Variants in DGKE observed in about 807,000 individuals in gnomAD.
DGKE encodes the protein DAG kinase epsilon.
A neutral mutation model predicts 70.0 loss-of-function variants in DGKE; 53 were observed. That is an observed-to-expected ratio of 0.76 (90% CI 0.61 to 0.95). DGKE has a LOEUF of 0.95. DGKE is among the 40% of genes least tolerant of loss of function. DGKE has a pLI of 0.00. For synonymous variants in DGKE, 291 were observed against 257.0 expected (o/e 1.13, Z -1.27); for missense variants, 655 against 706.9 (o/e 0.93, Z 0.83).
Position 56,848,037 on chromosome 17 carries a change from TG to T in DGKE, c.862del (p.Asp288MetfsTer6). 1 of 1,579,244 alleles carries T rather than the reference TG, an allele frequency of 6.3e-7. No homozygotes were observed. Among genetic ancestry groups the T allele is most frequent in the South Asian group, 1.2e-5 (1 of 83,640 alleles). On this transcript the variant is annotated frameshift_variant, in exon 5 of 12. Transcript: ENST00000284061. LOFTEE classifies it high-confidence loss of function. ...GGGGATGGGACTGTAGGGTGGGTCC[TG>T]GATGCAGTTGATGACATGAAGATTA... Reference protein sequence around the residue: ...CGGDGTVGWVLDAVDDMKIKG... With the variant: ...CGGDGTVGWVXDAVDDMKIKG...
intron 2 of DGKE, among the ~76,000 whole-genome samples, chr17:56,836,813 G>A (rs1239028210): frequency 1.3e-5 from 2 of 152,170 alleles, no homozygotes; most frequent in South Asian, 4.1e-4. Context: ...TTATGCACCA[G>A]CAACACTAAG....
chr17:56,853,651 T>C (rs1268199679), intron 7 of DGKE, among the ~76,000 whole-genome samples: 7 of 152,214 alleles, frequency 4.6e-5, no homozygotes, highest in Non-Finnish European at 1.0e-4. Context: ...CCTATTTCAT[T>C]GGTGAGTAAT....
intron 7 of DGKE, among the ~76,000 whole-genome samples, chr17:56,849,824 A>T (rs921061865): frequency 1.2e-4 from 19 of 152,374 alleles, no homozygotes; most frequent in Non-Finnish European, 1.8e-4. Context: ...TGAGATAGAT[A>T]TTGGGCATAT....
Position 56,834,981 on chromosome 17 carries a change from G to A in DGKE, c.186G>A (p.Trp62Ter). ...RDIFRKSKHG[W>*]RDTDLFSQPT... is the part of the protein sequence containing the mutation. ...TCTTCCGCAAGAGCAAGCACGGGTG[G>A]CGCGACACGGACCTGTTCAGCCAGC... Residue 62 changes from tryptophan (W) to a stop codon, truncating the protein, a stop_gained, in exon 2 of 12, where the codon TGG (tryptophan) becomes TGA (stop). Coordinates refer to ENST00000284061, the MANE Select transcript of DGKE (RefSeq NM_003647.3). LOFTEE classifies it high-confidence loss of function. 1 of 1,612,660 alleles carries A rather than the reference G, an allele frequency of 6.2e-7. No individual in the cohort carries two copies. The highest frequency in any genetic ancestry group is 2.2e-5 in the East Asian group (1 of 44,858).
chr17:56,856,932 C>T (rs751763683), intron 8 of DGKE, among the ~76,000 whole-genome samples: 1 of 152,086 alleles, frequency 6.6e-6, no homozygotes, highest in Non-Finnish European at 1.5e-5. Context: ...AACCCTGTCT[C>T]TACTAAAAAT....
chr17:56,836,231 C>A (rs918010976), intron 2 of DGKE: 6 of 151,920 alleles, frequency 3.9e-5, no homozygotes, highest in Non-Finnish European at 7.4e-5. Flanking sequence ...TGCAGAAATT[C>A]TTTCATTAGC....
rs1288510380 is a variant in DGKE, at chr17:56,834,215, G to A, written c.-64G>A. ...CAGCGTCGTTCTCCTCCTGCGCGAG[G>A]CGGCCAAGGCCTGCTGGCCCGGAGC... On this transcript the variant is annotated 5_prime_UTR_variant, in exon 1 of 12. Transcript: ENST00000284061. 6.6e-6 allele frequency: 1 copy of A among 152,480 alleles called. No individual in the cohort carries two copies. The highest frequency in any genetic ancestry group is 1.5e-5 in the Non-Finnish European group (1 of 68,262). 9.4% of individuals were successfully genotyped at this position (152,480 alleles called of 1,614,324 possible).
chr17:56,862,441 C>T (rs1908352847), intron 11 of DGKE, 171 bp from the exon 12 acceptor site: 6 of 862,210 alleles, frequency 7.0e-6, no homozygotes, highest in Admixed American at 3.1e-5. Context: ...TGAGATAAAA[C>T]GTTCACTTGA....
At chr17:56,846,100 A>G (rs893016515) in intron 4 of DGKE, 1 of 193,486 alleles carries the variant, frequency 5.2e-6, no homozygotes, top group African/African-American at 2.3e-5. Flanking sequence ...CATATTTCTC[A>G]CAAACATTTG....
chr17:56,848,029 G>C lies in DGKE; in HGVS notation c.852G>C (p.Gly284=). The stretch of plus-strand genomic sequence containing the variant: ...TTTGTGGAGGGGATGGGACTGTAGG[G>C]TGGGTCCTGGATGCAGTTGATGACA... ...VLVCGGDGTV[G]WVLDAVDDMK... The change falls in exon 5 of 12, where the codon GGG becomes GGC. Residue 284 remains glycine (G), a synonymous_variant. Coordinates refer to ENST00000284061, the MANE Select transcript of DGKE (RefSeq NM_003647.3). The C allele has an allele frequency of 6.3e-7, 1 of 1,597,610 alleles. No homozygotes were observed. Among genetic ancestry groups the C allele is most frequent in the Non-Finnish European group, 8.5e-7 (1 of 1,171,678 alleles).
intron 11 of DGKE, 135 bp downstream of exon 11, chr17:56,862,386 G>C (rs1305750131): frequency 5.4e-6 from 5 of 918,086 alleles, no homozygotes; most frequent in South Asian, 5.2e-5. Flanking sequence ...TACACTAGCG[G>C]CTAGAGTGGG....
Position 56,835,198 on chromosome 17 carries a change from T to A in DGKE, c.403T>A (p.Cys135Ser), listed in dbSNP as rs757444386. The change falls in exon 2 of 12, where the codon TGC (cysteine) becomes AGC (serine). Residue 135 changes from cysteine to serine, a missense_variant. Coordinates refer to ENST00000284061, the MANE Select transcript of DGKE (RefSeq NM_003647.3). Reference sequence around the variant, plus strand: ...CTGGATCCGGGGCAACGTGCCCCTGTGCAGTTACTGTATGGTTTGCAAGCA... The same window carrying A: ...CTGGATCCGGGGCAACGTGCCCCTGAGCAGTTACTGTATGGTTTGCAAGCA... ...HHWIRGNVPL[C>S]SYCMVCKQQC... 2.5e-6 allele frequency: 4 copies of A among 1,613,910 alleles called. No individual in the cohort carries two copies. Among genetic ancestry groups the A allele is most frequent in the African/African-American group, 2.7e-5 (2 of 74,926 alleles).
intron 4 of DGKE, 123 bp downstream of exon 4, chr17:56,845,932 G>A (rs1907259143): frequency 1.8e-6 from 2 of 1,100,030 alleles, no homozygotes; most frequent in East Asian, 3.0e-5. Context: ...AAAAAGATCA[G>A]CCATTTAAAT....
chr17:56,840,368 G>A (rs1906898442), intron 2 of DGKE, among the ~76,000 whole-genome samples: 1 of 147,194 alleles, frequency 6.8e-6, no homozygotes, highest in African/African-American at 2.5e-5. Context: ...AGTTTGTTTT[G>A]TTGTTGTTGT....
chr17:56,857,028 G>A (rs967250779), intron 8 of DGKE, among the ~76,000 whole-genome samples: 16 of 151,916 alleles, frequency 1.1e-4, no homozygotes, highest in South Asian at 4.2e-4. Flanking sequence ...AAACCAGGAG[G>A]CAAAAGTTGC....
intron 8 of DGKE, 111 bp downstream of exon 8, chr17:56,856,736 A>G: frequency 7.6e-7 from 1 of 1,312,544 alleles, no homozygotes. Flanking sequence ...TTACAGAAAT[A>G]TTTACCTGCT....
At position 56,835,202 on chromosome 17, in the gene DGKE, G is replaced by C; in HGVS notation, c.407G>C (p.Ser136Thr). 6.2e-7 allele frequency: 1 copy of C among 1,613,948 alleles called. No homozygotes were observed. Among genetic ancestry groups the C allele is most frequent in the East Asian group, 2.2e-5 (1 of 44,882 alleles). Residue 136 changes from serine (S) to threonine (T), a missense_variant, in exon 2 of 12, where the codon AGT becomes ACT. Transcript: ENST00000284061. Reference sequence around the variant, plus strand: ...ATCCGGGGCAACGTGCCCCTGTGCAGTTACTGTATGGTTTGCAAGCAGCAG... The same window carrying C: ...ATCCGGGGCAACGTGCCCCTGTGCACTTACTGTATGGTTTGCAAGCAGCAG... ...HWIRGNVPLC[S>T]YCMVCKQQCG...
chr17:56,834,515 C>G (rs1312527277), intron 1 of DGKE, among the ~76,000 whole-genome samples: 2 of 152,222 alleles, frequency 1.3e-5, no homozygotes, highest in African/African-American at 4.8e-5. Context: ...GGTGAGGCGG[C>G]GGCGGCAGCA....
intron 9 of DGKE, 75 bp downstream of exon 9, chr17:56,858,740 G>A: frequency 8.9e-7 from 1 of 1,124,402 alleles, no homozygotes; most frequent in Non-Finnish European, 1.3e-6. Flanking sequence ...AAACAGAAAT[G>A]CTAAACTTTG....
Sources: allele counts gnomAD v4.1 joint callset (sites outside exome capture counted in the v4.1 genomes callset), GRCh38; gene constraint gnomAD v4.1.1; transcripts MANE v1.5; gene names NCBI Gene and HGNC (gene_info 2026-07-23, HGNC 2026-07-21).